Variants in DPP6 observed in about 807,000 individuals in gnomAD.
The protein encoded by DPP6 is A-type potassium channel modulatory protein DPP6.
A neutral mutation model predicts 122.6 loss-of-function variants in DPP6; 69 were observed. The ratio of observed to expected loss-of-function variants is 0.56; its 90% CI spans 0.46 to 0.69. The LOEUF is 0.69. Ranked by LOEUF, DPP6 falls within the 30% of genes least tolerant of loss-of-function variation. The probability of loss-of-function intolerance (pLI) is 0.00; values close to 1 mark genes in which losing one functional copy is unlikely to be tolerated. For missense variants in DPP6, 928 were observed against 1,116.9 expected (o/e 0.83, Z 2.41); for synonymous variants, 418 against 433.1 (o/e 0.97, Z 0.43).
At chr7:154,169,290 T>C (rs1260538220) in intron 1 of DPP6, among the ~76,000 whole-genome samples, 2 of 151,866 alleles carry the variant, frequency 1.3e-5, no homozygotes, top group South Asian at 2.1e-4. Flanking sequence ...GAGGATACAG[T>C]CCTAAGGGTC....
In DPP6 at chr7:154,663,877, C is replaced by T. The variant is rs543358889; in HGVS notation, c.681-5483C>T. ...TGGTGAATCACCATGGCGTATTGGC[C>T]GTAGTGTTCATATAGTCATGGTGAA... On this transcript the variant is annotated intron_variant, in intron 6 of 25. Transcript: ENST00000377770. Among the ~76,000 whole-genome samples, 57 of 107,586 alleles carry T rather than the reference C, an allele frequency of 5.3e-4. 1 individual carries two copies. The highest frequency in any genetic ancestry group is 1.5e-3 in the African/African-American group (54 of 36,490). 70.6% of individuals were successfully genotyped at this position (107,586 alleles called of 152,430 possible). A position where few individuals can be genotyped will look rare whatever the true frequency, so the allele number is the denominator to read the frequency against.
At chr7:154,384,737 C>CTTTCTTT (rs1813929525) in intron 1 of DPP6, among the ~76,000 whole-genome samples, 4 of 74,352 alleles carry the variant, frequency 5.4e-5, no homozygotes, top group African/African-American at 1.3e-4. Context: ...TTCTTTCTTT[C>CTTTCTTT]TTTTATTTTT....
chr7:154,856,273 A>G (rs905905411), intron 17 of DPP6, among the ~76,000 whole-genome samples: 1 of 152,168 alleles, frequency 6.6e-6, no homozygotes, highest in African/African-American at 2.4e-5. Flanking sequence ...AAAGGTTAAT[A>G]TAGTCCCTAC....
chr7:154,150,305 C>G (rs1218597000), intron 1 of DPP6, among the ~76,000 whole-genome samples: 1 of 152,156 alleles, frequency 6.6e-6, no homozygotes, highest in Non-Finnish European at 1.5e-5. Context: ...GGGCACCCAC[C>G]TTGACTTACA....
At position 154,875,659 on chromosome 7, in the gene DPP6, C is replaced by G. The variant is rs796537507; in HGVS notation, c.1884-247C>G. Among the ~76,000 whole-genome samples the G allele has an allele frequency of 3.3e-5, 5 of 152,110 alleles. No homozygotes were observed. The highest frequency in any genetic ancestry group is 2.9e-5 in the Non-Finnish European group (2 of 68,014). ...TTTTGGTGGCCGTCCCAGACAGCGCCGGTGTGTGTAGGGATGGCCCTGGGT... is the reference window on the plus strand; with the variant it reads ...TTTTGGTGGCCGTCCCAGACAGCGCGGGTGTGTGTAGGGATGGCCCTGGGT... On this transcript the variant is annotated intron_variant, in intron 19 of 25. Transcript: ENST00000377770. This position sits in a 1 kb window ranked among gnomAD's most constrained non-coding sequence, Gnocchi z 4.5.
chr7:153,807,428 C>CAAAA, the DPP6 span, among the ~76,000 whole-genome samples: 23 of 137,356 alleles, frequency 1.7e-4, no homozygotes, highest in South Asian at 7.1e-4. Flanking sequence ...AACAAACAAA[C>CAAAA]AAAAAAAAAA....
intron 1 of DPP6, among the ~76,000 whole-genome samples, chr7:153,923,900 G>A (rs1364455279): frequency 6.6e-6 from 1 of 151,760 alleles, no homozygotes; most frequent in Non-Finnish European, 1.5e-5. Flanking sequence ...ATCAAGTATG[G>A]GATACAAAAG....
At chr7:154,395,393 G>A (rs138074655) in intron 1 of DPP6, among the ~76,000 whole-genome samples, 84 of 152,300 alleles carry the variant, frequency 5.5e-4, no homozygotes, top group Non-Finnish European at 1.1e-3. Context: ...AACATGGGAT[G>A]TGTTTCCATT....
intron 1 of DPP6, among the ~76,000 whole-genome samples, chr7:153,917,441 G>A (rs1181917210): frequency 6.6e-6 from 1 of 152,196 alleles, no homozygotes; most frequent in African/African-American, 2.4e-5. Context: ...CCTCCATGAA[G>A]CAGATTGGGT....
At chr7:153,949,086 C>T (rs1437451141) in intron 1 of DPP6, among the ~76,000 whole-genome samples, 2 of 152,198 alleles carry the variant, frequency 1.3e-5, no homozygotes, top group Non-Finnish European at 2.9e-5. Flanking sequence ...ACAGTGCGGT[C>T]CTGAGACTCC....
chr7:154,093,598 C>CCACACAACCATACACACACA (rs1554460773), intron 1 of DPP6: 4 of 135,026 alleles, frequency 3.0e-5, no homozygotes, highest in African/African-American at 7.8e-5. Context: ...ACACCATACC[C>CCACACAACCATACACACACA]CACACACACA....
chr7:154,087,418 C>G (rs898177414), intron 1 of DPP6, among the ~76,000 whole-genome samples: 7 of 152,184 alleles, frequency 4.6e-5, no homozygotes, highest in Non-Finnish European at 1.0e-4. Flanking sequence ...CTCTCTACAG[C>G]TGAAGAAGGA....
chr7:154,765,323 A>G (rs1186025841), intron 8 of DPP6, among the ~76,000 whole-genome samples: 12 of 152,166 alleles, frequency 7.9e-5, no homozygotes, highest in African/African-American at 2.9e-4. Context: ...GTGCAGCCTC[A>G]GCATCTGTAT....
chr7:154,843,237 G>C (rs1337301848), intron 16 of DPP6, among the ~76,000 whole-genome samples: 1 of 152,216 alleles, frequency 6.6e-6, no homozygotes, highest in Non-Finnish European at 1.5e-5. Context: ...GGGAAGTAGA[G>C]GTTGCAGTGA....
At chr7:153,887,523 G>T in exon 1 of DPP6, 1 of 704,530 alleles carries the variant, frequency 1.4e-6, no homozygotes, top group Non-Finnish European at 2.5e-6. Flanking sequence ...GGGCAGGGGT[G>T]CGCGGAGGTG....
intron 3 of DPP6, among the ~76,000 whole-genome samples, chr7:154,518,621 GA>G (rs1563793991): frequency 6.6e-6 from 1 of 152,102 alleles, no homozygotes. Context: ...TGATCTCTAG[GA>G]TACACTTTTA....
At chr7:153,968,863 A>C (rs1170859482) in intron 1 of DPP6, 2 of 152,070 alleles carry the variant, frequency 1.3e-5, no homozygotes, top group Non-Finnish European at 1.5e-5. Flanking sequence ...ACATGGTGTC[A>C]TCTTTCATGG....
At chr7:154,782,113 T>G (rs1198329080) in intron 10 of DPP6, among the ~76,000 whole-genome samples, 2 of 152,182 alleles carry the variant, frequency 1.3e-5, no homozygotes, top group Non-Finnish European at 2.9e-5. Flanking sequence ...CTGAAGTTAG[T>G]GGCTTGCCCA....
chr7:154,265,484 G>T (rs971646102), intron 1 of DPP6, among the ~76,000 whole-genome samples: 1 of 152,156 alleles, frequency 6.6e-6, no homozygotes, highest in African/African-American at 2.4e-5. Flanking sequence ...TTACAGAAAT[G>T]CACCGTTTAA....
Sources: allele counts gnomAD v4.1 joint callset (sites outside exome capture counted in the v4.1 genomes callset), GRCh38; gene constraint gnomAD v4.1.1; non-coding constraint Gnocchi (gnomAD v3.1); transcripts MANE v1.5; gene names NCBI Gene and HGNC (gene_info 2026-07-23, HGNC 2026-07-21).